The following HSD17B12 variants were observed in gnomAD, a reference collection of about 807,000 sequenced individuals.
HSD17B12 encodes hydroxysteroid 17-beta dehydrogenase 12.
Under a neutral mutation model 39.3 loss-of-function variants are expected in HSD17B12, and 32 were observed. That is an observed-to-expected ratio of 0.81 (90% CI 0.61 to 1.09). The LOEUF is 1.09. Among genes scored for constraint, HSD17B12 ranks in the 50% least tolerant of loss-of-function variants. The pLI is 0.00. For missense variants in HSD17B12, 342 were observed against 382.9 expected, an observed-to-expected ratio of 0.89 and a Z score of 0.89; for synonymous variants, 150 against 146.7, an observed-to-expected ratio of 1.02 and a Z score of -0.16.
intron 9 of HSD17B12, chr11:43,852,193 A>G (rs1018631538): frequency 2.6e-5 from 4 of 152,216 alleles, no homozygotes; most frequent in African/African-American, 4.8e-5. Flanking sequence ...TCTCTAGACT[A>G]GCTCTATGGT....
At chr11:43,645,463 G>C in the HSD17B12 span, 1 of 152,176 alleles carries the variant, frequency 6.6e-6, no homozygotes, top group Non-Finnish European at 1.5e-5. Context: ...TTGAAATAAG[G>C]TACAACAGTG....
the HSD17B12 span, among the ~76,000 whole-genome samples, chr11:43,604,251 A>G: frequency 1.3e-5 from 2 of 152,176 alleles, no homozygotes; most frequent in South Asian, 4.1e-4. Context: ...TATCGTATAT[A>G]ACTAGATATT....
the HSD17B12 span, among the ~76,000 whole-genome samples, chr11:43,627,705 T>C: frequency 6.6e-6 from 1 of 152,018 alleles, no homozygotes; most frequent in Non-Finnish European, 1.5e-5. Flanking sequence ...ATTTTGCCTC[T>C]TATAAAAAAA....
At chr11:43,780,278 G>T (rs1419998635) in intron 3 of HSD17B12, among the ~76,000 whole-genome samples, 6 of 152,116 alleles carry the variant, frequency 3.9e-5, no homozygotes, top group Admixed American at 3.9e-4. Context: ...CGATTCTCCT[G>T]CCTCAGCCTC....
chr11:43,607,615 C>G, the HSD17B12 span, among the ~76,000 whole-genome samples: 3 of 152,142 alleles, frequency 2.0e-5, no homozygotes, highest in Admixed American at 6.6e-5. Flanking sequence ...AATATACCCA[C>G]TTCACAGATG....
the HSD17B12 span, among the ~76,000 whole-genome samples, chr11:43,565,130 C>A: frequency 2.6e-5 from 4 of 152,140 alleles, no homozygotes; most frequent in Admixed American, 2.6e-4. Context: ...GAACTCCTGA[C>A]CTCAAGTGAT....
chr11:43,838,598 G>A (rs1277739146), intron 8 of HSD17B12, among the ~76,000 whole-genome samples, 200 bp downstream of exon 8: 17 of 151,922 alleles, frequency 1.1e-4, no homozygotes, highest in Non-Finnish European at 2.4e-4. Context: ...TAAACTTAAT[G>A]TAAACTTACA....
At chr11:43,662,373 T>TGTG in the HSD17B12 span, among the ~76,000 whole-genome samples, 1 of 108,278 alleles carries the variant, frequency 9.2e-6, no homozygotes, top group East Asian at 2.5e-4. Flanking sequence ...TAATTTTATT[T>TGTG]TATTTGTGTG....
intron 3 of HSD17B12, among the ~76,000 whole-genome samples, chr11:43,776,428 C>T (rs1358883232): frequency 3.3e-5 from 5 of 152,034 alleles, no homozygotes; most frequent in Admixed American, 3.3e-4. Flanking sequence ...TGTTCATGTC[C>T]TTCGCCCACT....
At chr11:43,575,383 G>C in the HSD17B12 span, among the ~76,000 whole-genome samples, 1 of 152,232 alleles carries the variant, frequency 6.6e-6, no homozygotes, top group Non-Finnish European at 1.5e-5. The surrounding 1 kb of genome is among the most constrained non-coding windows in gnomAD (Gnocchi z 4.1). Flanking sequence ...CAAACACACA[G>C]AATTAATCCG....
At chr11:43,740,530 G>A (rs1224499168) in intron 1 of HSD17B12, among the ~76,000 whole-genome samples, 4 of 152,154 alleles carry the variant, frequency 2.6e-5, no homozygotes, top group Non-Finnish European at 4.4e-5. Context: ...TTAAAATGGC[G>A]TGGTAATTCA....
intron 1 of HSD17B12, among the ~76,000 whole-genome samples, chr11:43,712,847 T>C (rs951936420): frequency 6.6e-6 from 1 of 152,220 alleles, no homozygotes; most frequent in African/African-American, 2.4e-5. Flanking sequence ...TTATCCTTCA[T>C]TGGAGTATTA....
At chr11:43,790,093 C>G (rs11037641) in intron 3 of HSD17B12, among the ~76,000 whole-genome samples, 5,437 of 152,208 alleles carry the variant, frequency 0.036, 345 homozygotes, top group African/African-American at 0.12. Context: ...GACTTGCCAT[C>G]AATTATAAAA....
the HSD17B12 span, among the ~76,000 whole-genome samples, chr11:43,625,690 GA>G: frequency 6.6e-6 from 1 of 151,202 alleles, no homozygotes; most frequent in African/African-American, 2.4e-5. Context: ...ATATTTTGAT[GA>G]AAGCAAAATA....
intron 1 of HSD17B12, among the ~76,000 whole-genome samples, chr11:43,722,561 A>G (rs974415483): frequency 2.0e-5 from 3 of 151,796 alleles, no homozygotes; most frequent in African/African-American, 7.3e-5. Context: ...AAAATTTAAG[A>G]ATTGGCCAGG....
the HSD17B12 span, among the ~76,000 whole-genome samples, chr11:43,639,259 G>A: frequency 2.0e-5 from 3 of 152,166 alleles, no homozygotes; most frequent in African/African-American, 7.2e-5. Context: ...CATATTGGAC[G>A]CTTCAACCTT....
intron 3 of HSD17B12, among the ~76,000 whole-genome samples, chr11:43,788,709 A>AAAAAAC (rs1299533486): frequency 7.5e-6 from 1 of 133,058 alleles, no homozygotes; most frequent in African/African-American, 2.8e-5. Context: ...AAAAAAAAAA[A>AAAAAAC]GAAGTGTGAT....
chr11:43,622,036 G>T, the HSD17B12 span, among the ~76,000 whole-genome samples: 6 of 152,174 alleles, frequency 3.9e-5, no homozygotes, highest in Admixed American at 3.9e-4. Context: ...CACAGGTTTG[G>T]TTGAGTCACA....
chr11:43,638,027 G>C, the HSD17B12 span, among the ~76,000 whole-genome samples: 4 of 152,108 alleles, frequency 2.6e-5, no homozygotes, highest in East Asian at 7.7e-4. Context: ...TTCAGTGAGG[G>C]CTTTGTTAAA....
Sources: allele counts gnomAD v4.1 joint callset (sites outside exome capture counted in the v4.1 genomes callset), GRCh38; gene constraint gnomAD v4.1.1; non-coding constraint Gnocchi (gnomAD v3.1); transcripts MANE v1.5; gene names NCBI Gene and HGNC (gene_info 2026-07-23, HGNC 2026-07-21).